CMSS1: variants seen among roughly 807,000 people sequenced by gnomAD.
The protein encoded by CMSS1 is cms1 ribosomal small subunit homolog, also known as protein CMSS1.
In CMSS1, 33 loss-of-function variants were observed where a neutral mutation model predicts 43.5. The ratio of observed to expected loss-of-function variants is 0.76; its 90% CI spans 0.57 to 1.01. CMSS1 has a LOEUF of 1.01. Ranked by LOEUF, CMSS1 falls within the 50% of genes least tolerant of loss-of-function variation. The probability of loss-of-function intolerance (pLI) is 0.00; values close to 1 mark genes in which losing one functional copy is unlikely to be tolerated. For missense variants in CMSS1, 313 were observed against 326.4 expected, an observed-to-expected ratio of 0.96 and a Z score of 0.32; for synonymous variants, 115 against 117.2, an observed-to-expected ratio of 0.98 and a Z score of 0.12.
intron 1 of CMSS1, among the ~76,000 whole-genome samples, chr3:99,875,030 A>G (rs1026006630): frequency 6.6e-6 from 1 of 152,252 alleles, no homozygotes; most frequent in African/African-American, 2.4e-5. Flanking sequence ...ACTGTTTTAA[A>G]AGGGACAATT....
intron 9 of CMSS1, among the ~76,000 whole-genome samples, chr3:100,176,844 C>T (rs543125721): frequency 6.6e-6 from 1 of 152,282 alleles, no homozygotes; most frequent in South Asian, 2.1e-4. Flanking sequence ...CAAGAACCCA[C>T]TTACTTAATT....
intron 1 of CMSS1, among the ~76,000 whole-genome samples, chr3:99,845,489 C>T (rs558315115): frequency 1.3e-5 from 2 of 152,246 alleles, no homozygotes; most frequent in African/African-American, 2.4e-5. Context: ...CCTCCACCCC[C>T]ACATATTTCA....
intron 1 of CMSS1, among the ~76,000 whole-genome samples, chr3:100,111,906 A>G (rs536147833): frequency 1.3e-5 from 2 of 152,222 alleles, no homozygotes; most frequent in Non-Finnish European, 1.5e-5. Context: ...ATGTTGAACA[A>G]CATGCACAAT....
At chr3:100,169,223 G>A (rs375447307) in intron 6 of CMSS1, among the ~76,000 whole-genome samples, 103 of 152,326 alleles carry the variant, frequency 6.8e-4, no homozygotes, top group Middle Eastern at 6.8e-3. Flanking sequence ...ATGTTTTAAA[G>A]ATAATTTGTC....
In CMSS1 at chr3:100,178,430, T is replaced by TC; in HGVS notation, c.*42_*43insC. ...AGATTCCAGTTTTCACAGTAGAAGT[T>TC]GCATCTTATTTAATGACTCTGATAC... On this transcript the variant is annotated 3_prime_UTR_variant, in exon 10 of 10. Transcript: ENST00000421999. 11 of 1,264,834 alleles carry TC rather than the reference T, an allele frequency of 8.7e-6. No homozygotes were observed. Among genetic ancestry groups the TC allele is most frequent in the Non-Finnish European group, 1.3e-5 (11 of 870,546 alleles). 78.4% of individuals were successfully genotyped at this position (1,264,834 alleles called of 1,614,324 possible).
chr3:99,930,792 T>C (rs1707453420), intron 1 of CMSS1: 2 of 1,613,228 alleles, frequency 1.2e-6, no homozygotes, highest in East Asian at 2.2e-5. Flanking sequence ...TCCAGAATGC[T>C]GAGGAGAAAT....
chr3:99,948,693 GGA>G (rs1002473413), intron 1 of CMSS1, among the ~76,000 whole-genome samples: 2 of 146,842 alleles, frequency 1.4e-5, no homozygotes, highest in Non-Finnish European at 3.0e-5. Flanking sequence ...AGAGGAGAAA[GGA>G]GAGAGAAAGG....
At chr3:100,126,722 G>C (rs770281545) in intron 1 of CMSS1, among the ~76,000 whole-genome samples, 13 of 152,204 alleles carry the variant, frequency 8.5e-5, no homozygotes, top group Admixed American at 2.6e-4. Context: ...GTTGGGGCTG[G>C]ATGCGGTGGC....
intron 1 of CMSS1, among the ~76,000 whole-genome samples, chr3:100,038,408 C>A (rs2065146175): frequency 6.6e-6 from 1 of 152,066 alleles, no homozygotes; most frequent in Non-Finnish European, 1.5e-5. Flanking sequence ...AGCTGATTAG[C>A]CAAATTATTT....
intron 1 of CMSS1, among the ~76,000 whole-genome samples, chr3:99,978,997 A>G (rs1709046978): frequency 6.6e-6 from 1 of 152,194 alleles, no homozygotes; most frequent in Non-Finnish European, 1.5e-5. Flanking sequence ...ACGGCTAGAT[A>G]AAAGGAATAA....
chr3:100,155,551 T>C lies in CMSS1; in HGVS notation c.154-4879T>C, dbSNP rs1417435060. ...GTTATTCTCCAGGCCCACTGAACAA[T>C]TGAGACCTCTTAACTGTCATCCTAG... On this transcript the variant is annotated intron_variant, in intron 2 of 9. Coordinates refer to ENST00000421999, the MANE Select transcript of CMSS1 (RefSeq NM_032359.4). Among the ~76,000 whole-genome samples the C allele has an allele frequency of 2.0e-5, 3 of 152,252 alleles. No individual in the cohort carries two copies. The East Asian group carries it at 5.8e-4, about 29-fold the overall frequency.
intron 1 of CMSS1, among the ~76,000 whole-genome samples, chr3:99,979,334 A>G (rs147302424): frequency 6.6e-6 from 1 of 152,332 alleles, no homozygotes; most frequent in African/African-American, 2.4e-5. Flanking sequence ...AAAAAGATAA[A>G]AAGCTTGTCT....
At chr3:99,849,324 ACTAGG>A in intron 1 of CMSS1, 1 of 1,614,124 alleles carries the variant, frequency 6.2e-7, no homozygotes, top group Non-Finnish European at 8.5e-7. Context: ...TTCCATTGAG[ACTAGG>A]CCTGAGGCTC....
chr3:100,115,575 G>GTCTCTCTCTCTC (rs66793218), intron 1 of CMSS1, among the ~76,000 whole-genome samples: 6 of 97,950 alleles, frequency 6.1e-5, no homozygotes, highest in Admixed American at 1.1e-4. Context: ...CTCTCTCTCT[G>GTCTCTCTCTCTC]TCTCTCTCTC....
At chr3:99,930,903 A>C (rs999825388) in intron 1 of CMSS1, 1 of 1,612,814 alleles carries the variant, frequency 6.2e-7, no homozygotes, top group Non-Finnish European at 8.5e-7. Flanking sequence ...TCACTGGGGG[A>C]GTCTTTGTCT....
intron 1 of CMSS1, among the ~76,000 whole-genome samples, chr3:100,019,727 A>G (rs563362767): frequency 6.6e-6 from 1 of 152,262 alleles, no homozygotes; most frequent in South Asian, 2.1e-4. Flanking sequence ...TTTGTGTAAG[A>G]CTGCGATTCA....
rs1370985161 is a variant in CMSS1, at chr3:99,954,825, C to CA, written c.64+136791dup. ...TGAGCCACAGAGCAAGACTCTGTCT[C>CA]AAAAAAAAAGAAAAAAAAAAGTCAC... On this transcript the variant is annotated intron_variant, in intron 1 of 9. Coordinates refer to ENST00000421999, the MANE Select transcript of CMSS1 (RefSeq NM_032359.4). 7.8e-4 allele frequency among the ~76,000 whole-genome samples: 108 copies of CA among 137,862 alleles called. 1 individual carries two copies. Among genetic ancestry groups the CA allele is most frequent in the Admixed American group, 2.9e-3 (40 of 13,614 alleles). 90.4% of individuals were successfully genotyped at this position (137,862 alleles called of 152,430 possible). A position where few individuals can be genotyped will look rare whatever the true frequency, so the allele number is the denominator to read the frequency against.
intron 1 of CMSS1, among the ~76,000 whole-genome samples, chr3:99,836,737 C>G (rs1367215747): frequency 6.6e-6 from 1 of 152,176 alleles, no homozygotes; most frequent in Non-Finnish European, 1.5e-5. Context: ...ATTACTTGAA[C>G]AGTACATAGT....
intron 1 of CMSS1, among the ~76,000 whole-genome samples, chr3:100,021,390 T>C (rs2064814530): frequency 1.3e-5 from 2 of 152,204 alleles, no homozygotes; most frequent in Admixed American, 1.3e-4. Flanking sequence ...GCATTTTTAT[T>C]TCAAGAAATA....
Sources: gnomAD v4.1 joint callset for allele counts (sites outside exome capture counted in the v4.1 genomes callset) on GRCh38, gnomAD v4.1.1 for gene constraint, MANE v1.5 for transcripts, NCBI Gene and HGNC (gene_info 2026-07-23, HGNC 2026-07-21) for gene names.